SEMA5A: variants seen among roughly 807,000 people sequenced by gnomAD.
SEMA5A encodes semaphorin-5A.
SEMA5A carries 55 observed loss-of-function variants against 135.5 expected under a neutral mutation model. That is an observed-to-expected ratio of 0.41 (90% CI 0.33 to 0.51). The LOEUF is 0.51. Among genes scored for constraint, SEMA5A ranks in the 20% least tolerant of loss-of-function variants. SEMA5A has a pLI of 0.37. For synonymous variants in SEMA5A, 580 were observed against 546.5 expected (o/e 1.06, Z -0.85); for missense variants, 1,290 against 1,419.9 (o/e 0.91, Z 1.47).
intron 3 of SEMA5A, among the ~76,000 whole-genome samples, chr5:9,370,510 C>T (rs1755093106): frequency 6.6e-6 from 1 of 152,072 alleles, no homozygotes; most frequent in Non-Finnish European, 1.5e-5. Context: ...ATTAGACTTG[C>T]CCCTGAGTCA....
Position 9,396,246 on chromosome 5 carries a change from GCACACACACACACA to G in SEMA5A, c.-77-16237_-77-16224del, listed in dbSNP as rs147262677. Among the ~76,000 whole-genome samples the G allele has an allele frequency of 2.7e-5, 4 of 148,848 alleles. No individual in the cohort carries two copies. The South Asian group carries it at 6.4e-4, about 24-fold the overall frequency. ...CTCTTTTGATTTAATGCGCGTGCGT[GCACACACACACACA>G]CACACACACACACACACAAATACAT... On this transcript the variant is annotated intron_variant, in intron 2 of 22. Transcript: ENST00000382496.
In SEMA5A at chr5:9,042,018, G is replaced by A. The variant is rs527931412; in HGVS notation, c.*879C>T. On this transcript the variant is annotated 3_prime_UTR_variant, in exon 23 of 23. Transcript: ENST00000382496. Reference sequence around the variant, plus strand: ...TTCTTTGCAGGGAGAGAGAAGGCATGGAGTCTATCCAAACGCTAAGTAAGT... The same window carrying A: ...TTCTTTGCAGGGAGAGAGAAGGCATAGAGTCTATCCAAACGCTAAGTAAGT... 10 of 152,378 alleles carry A rather than the reference G, an allele frequency of 6.6e-5. No individual in the cohort carries two copies. The highest frequency in any genetic ancestry group is 2.4e-4 in the African/African-American group (10 of 41,570). 9.4% of individuals were successfully genotyped at this position (152,378 alleles called of 1,614,324 possible).
At chr5:9,402,568 C>A (rs953017638) in intron 2 of SEMA5A, among the ~76,000 whole-genome samples, 1 of 152,132 alleles carries the variant, frequency 6.6e-6, no homozygotes, top group African/African-American at 2.4e-5. Context: ...ATCTACCTGT[C>A]AAGGTTTTGG....
intron 15 of SEMA5A, among the ~76,000 whole-genome samples, chr5:9,112,108 C>A (rs554737934): frequency 1.3e-5 from 2 of 152,310 alleles, no homozygotes; most frequent in South Asian, 4.1e-4. Context: ...TAAAGCATTG[C>A]AAGTCACAGA....
At chr5:9,165,646 A>G (rs1301325782) in intron 11 of SEMA5A, among the ~76,000 whole-genome samples, 1 of 152,196 alleles carries the variant, frequency 6.6e-6, no homozygotes, top group Non-Finnish European at 1.5e-5. Flanking sequence ...TATGTCCAAG[A>G]GGCATTTCTA....
At chr5:9,458,836 C>T (rs1758946927) in intron 1 of SEMA5A, among the ~76,000 whole-genome samples, 1 of 152,208 alleles carries the variant, frequency 6.6e-6, no homozygotes, top group South Asian at 2.1e-4. Context: ...GGCTCCTAGG[C>T]AGGGAGTCCC....
intron 1 of SEMA5A, among the ~76,000 whole-genome samples, chr5:9,447,173 G>A (rs903385151): frequency 2.6e-5 from 4 of 152,244 alleles, no homozygotes; most frequent in African/African-American, 9.6e-5. Context: ...ATGAAAGGAT[G>A]TGCTCCTTCA....
At chr5:9,374,055 T>C (rs1324411451) in intron 3 of SEMA5A, among the ~76,000 whole-genome samples, 1 of 152,198 alleles carries the variant, frequency 6.6e-6, no homozygotes, top group African/African-American at 2.4e-5. Context: ...GGAATAGACA[T>C]TTAAACAAAT....
At chr5:9,305,328 T>G (rs1413736092) in intron 5 of SEMA5A, among the ~76,000 whole-genome samples, 1 of 152,184 alleles carries the variant, frequency 6.6e-6, no homozygotes, top group Admixed American at 6.6e-5. Context: ...CACTGAATAT[T>G]TCTTTTCTCC....
intron 5 of SEMA5A, among the ~76,000 whole-genome samples, chr5:9,316,951 A>T (rs1335857650): frequency 6.6e-6 from 1 of 152,004 alleles, no homozygotes; most frequent in East Asian, 1.9e-4. Context: ...CATCTCCCTA[A>T]CACCTTCCCT....
chr5:9,097,765 AC>A (rs1359017045), intron 16 of SEMA5A, among the ~76,000 whole-genome samples: 7 of 152,202 alleles, frequency 4.6e-5, no homozygotes, highest in Non-Finnish European at 8.8e-5. Flanking sequence ...CCCAGCCTGT[AC>A]AACAAGGTGA....
intron 13 of SEMA5A, among the ~76,000 whole-genome samples, chr5:9,127,679 T>C (rs1741191078): frequency 6.6e-6 from 1 of 152,202 alleles, no homozygotes; most frequent in East Asian, 1.9e-4. Context: ...TGAAGGTTTA[T>C]AAATCCCCCT....
Position 9,384,659 on chromosome 5 carries a change from G to C in SEMA5A, c.-77-4636C>G, listed in dbSNP as rs1244353576. ...AGATAGATAGATAGATAGATAGATA[G>C]ATATAGATAGATAGATATAGATAGA... On this transcript the variant is annotated intron_variant, in intron 2 of 22. Transcript: ENST00000382496. Among the ~76,000 whole-genome samples the C allele has an allele frequency of 9.5e-5, 8 of 84,090 alleles. 1 individual carries two copies. The highest frequency in any genetic ancestry group is 3.3e-4 in the East Asian group (1 of 3,036). The allele number at this position is 84,090 out of a possible 152,430, so 55.2% of individuals were successfully genotyped here. A position where few individuals can be genotyped will look rare whatever the true frequency, so the allele number is the denominator to read the frequency against.
At chr5:9,130,245 C>A (rs765560829) in intron 13 of SEMA5A, among the ~76,000 whole-genome samples, 1 of 152,058 alleles carries the variant, frequency 6.6e-6, no homozygotes, top group Non-Finnish European at 1.5e-5. Flanking sequence ...ATATTCCAAC[C>A]ACTATTGTTT....
At chr5:9,472,677 T>C (rs905853619) in intron 1 of SEMA5A, among the ~76,000 whole-genome samples, 1 of 152,180 alleles carries the variant, frequency 6.6e-6, no homozygotes, top group African/African-American at 2.4e-5. Flanking sequence ...TTCATAGATC[T>C]ACTTTTCTTC....
chr5:9,221,386 T>C lies in SEMA5A; in HGVS notation c.646+3288A>G, dbSNP rs13164039. Among the ~76,000 whole-genome samples the C allele has an allele frequency of 8.8e-3, 1,219 of 138,734 alleles. 9 individuals carry two copies. The highest frequency in any genetic ancestry group is 0.014 in the Non-Finnish European group (888 of 62,648). The allele number at this position is 138,734 out of a possible 152,430, so 91.0% of individuals were successfully genotyped here. A position where few individuals can be genotyped will look rare whatever the true frequency, so the allele number is the denominator to read the frequency against. ...GGCGCGATCTCGGCTTACTGCAAGC[T>C]CCGCCTCCCGGGTTCACACCATTCT... On this transcript the variant is annotated intron_variant, in intron 8 of 22. Transcript: ENST00000382496.
chr5:9,143,816 T>C (rs558532077), intron 12 of SEMA5A, among the ~76,000 whole-genome samples: 1 of 152,272 alleles, frequency 6.6e-6, no homozygotes, highest in African/African-American at 2.4e-5. Context: ...CTTGACCTCC[T>C]TGTGGGCTTC....
At chr5:9,074,086 C>T (rs928264384) in intron 16 of SEMA5A, among the ~76,000 whole-genome samples, 1 of 152,054 alleles carries the variant, frequency 6.6e-6, no homozygotes, top group Admixed American at 6.6e-5. Flanking sequence ...TACTTTCTAA[C>T]TTCAGGATTC....
intron 12 of SEMA5A, among the ~76,000 whole-genome samples, chr5:9,137,540 T>C (rs1741828036): frequency 6.6e-6 from 1 of 152,062 alleles, no homozygotes; most frequent in Admixed American, 6.5e-5. Flanking sequence ...ACGCAGGACA[T>C]TGAACCTGGG....
Sources: allele counts gnomAD v4.1 joint callset (sites outside exome capture counted in the v4.1 genomes callset), GRCh38; gene constraint gnomAD v4.1.1; transcripts MANE v1.5; gene names NCBI Gene and HGNC (gene_info 2026-07-23, HGNC 2026-07-21).